The following ANKRD11 variants were observed in gnomAD, a reference collection of about 807,000 sequenced individuals.
ANKRD11 encodes the protein ankyrin repeat domain-containing protein 11.
In ANKRD11, 17 loss-of-function variants were observed where a neutral mutation model predicts 195.7. The observed-to-expected ratio is 0.09, with a 90% CI of 0.06 to 0.13. The LOEUF (loss-of-function observed/expected upper bound fraction) is 0.13, where lower values mean the gene tolerates loss of function less well. Ranked by LOEUF, ANKRD11 falls within the 10% of genes least tolerant of loss-of-function variation. The pLI is 1.00. For synonymous variants in ANKRD11, 1,953 were observed against 1,528.1 expected, an observed-to-expected ratio of 1.28 and a Z score of -6.49; for missense variants, 3,735 against 3,566.1, an observed-to-expected ratio of 1.05 and a Z score of -1.21.
At chr16:89,371,639 A>G (rs2152081520) in intron 2 of ANKRD11, among the ~76,000 whole-genome samples, 1 of 152,242 alleles carries the variant, frequency 6.6e-6, no homozygotes, top group Admixed American at 6.5e-5. Flanking sequence ...ACGACACCCA[A>G]GGAGGGGTGT....
At chr16:89,487,832 A>G (rs1032178827) in intron 1 of ANKRD11, among the ~76,000 whole-genome samples, 4 of 152,238 alleles carry the variant, frequency 2.6e-5, no homozygotes, top group African/African-American at 9.6e-5. Flanking sequence ...ATACTGTCCA[A>G]CACAAACAGC....
intron 2 of ANKRD11, among the ~76,000 whole-genome samples, chr16:89,417,861 G>A (rs191931622): frequency 2.0e-5 from 3 of 151,212 alleles, no homozygotes; most frequent in Admixed American, 6.6e-5. Flanking sequence ...GGATCCTAAC[G>A]AGCAGAACAG....
In ANKRD11 at chr16:89,448,753, G is replaced by A. The variant is rs2043921490; in HGVS notation, c.-144-30385C>T. 2.0e-5 allele frequency among the ~76,000 whole-genome samples: 3 copies of A among 152,276 alleles called. No individual in the cohort carries two copies. The Middle Eastern group carries it at 0.01, about 518-fold the overall frequency. ...AAATCATTTTCAAAGTCCAAGACGA[G>A]ACGGTGCTGGACTAGCAGTCCTAGA... On this transcript the variant is annotated intron_variant, in intron 1 of 12. Transcript: ENST00000301030.
At chr16:89,323,947 T>C (rs1468837411) in intron 2 of ANKRD11, 2 of 219,342 alleles carry the variant, frequency 9.1e-6, no homozygotes, top group Admixed American at 5.5e-5. Flanking sequence ...ACGGTTTGAA[T>C]GTTTGTGTCG....
chr16:89,409,941 G>A (rs1373768956), intron 2 of ANKRD11, among the ~76,000 whole-genome samples: 14 of 152,064 alleles, frequency 9.2e-5, no homozygotes, highest in Admixed American at 6.6e-5. Context: ...CCGGGTTCAC[G>A]CCATTCTCCT....
chr16:89,277,544 GTCAGAAGA>G (rs1944683838), intron 9 of ANKRD11: 2 of 152,294 alleles, frequency 1.3e-5, no homozygotes, highest in Non-Finnish European at 1.5e-5. Flanking sequence ...AGCACAGAAG[GTCAGAAGA>G]TCAGAAGGTC....
rs943732301 is a variant in ANKRD11, at chr16:89,282,144, C to T, written c.4398G>A (p.Arg1466=). ...LKEKKKREKH[R]EKWRDEKERH... ...TCTCCTTCTCGTCTCTCCATTTCTC[C>T]CTGTGTTTCTCTCTCTTCTTCTTCT... The change falls in exon 9 of 13, where the codon AGG becomes AGA. Residue 1466 remains arginine (R), a synonymous_variant. Transcript: ENST00000301030. 17 of 1,613,898 alleles carry T rather than the reference C, an allele frequency of 1.1e-5. No homozygotes were observed. The highest frequency in any genetic ancestry group is 6.7e-5 in the African/African-American group (5 of 74,854).
At chr16:89,462,252 G>A (rs2056704964) in intron 1 of ANKRD11, among the ~76,000 whole-genome samples, 1 of 152,214 alleles carries the variant, frequency 6.6e-6, no homozygotes, top group African/African-American at 2.4e-5. Context: ...ACTGGTTTTG[G>A]TGGAGACGGG....
intron 1 of ANKRD11, among the ~76,000 whole-genome samples, chr16:89,436,166 G>A (rs913048561): frequency 1.3e-5 from 2 of 152,132 alleles, no homozygotes; most frequent in Non-Finnish European, 2.9e-5. Context: ...TGTAATCCCA[G>A]CACTTTAGGA....
chr16:89,274,783 C>G, intron 11 of ANKRD11, 31 bp downstream of exon 11: 1 of 1,605,738 alleles, frequency 6.2e-7, no homozygotes, highest in South Asian at 1.1e-5. Flanking sequence ...GGCACTTGGA[C>G]TCATGGGCCT....
At chr16:89,373,316 G>C (rs1464411641) in intron 2 of ANKRD11, 1 of 152,292 alleles carries the variant, frequency 6.6e-6, no homozygotes, top group African/African-American at 2.4e-5. Context: ...ATCCAACACA[G>C]CAACACCGGA....
chr16:89,317,341 G>C (rs1360597840), intron 2 of ANKRD11, among the ~76,000 whole-genome samples: 1 of 152,214 alleles, frequency 6.6e-6, no homozygotes, highest in African/African-American at 2.4e-5. Context: ...GGGACGCATG[G>C]CCTAGGGTGT....
intron 2 of ANKRD11, among the ~76,000 whole-genome samples, chr16:89,403,465 C>T (rs960043924): frequency 7.9e-5 from 12 of 152,088 alleles, no homozygotes; most frequent in Admixed American, 1.3e-4. Context: ...AGCGAGGCCC[C>T]GCGCTCTGGG....
At chr16:89,352,305 G>T (rs937378972) in intron 2 of ANKRD11, among the ~76,000 whole-genome samples, 2 of 151,822 alleles carry the variant, frequency 1.3e-5, no homozygotes, top group Non-Finnish European at 2.9e-5. Context: ...ATCACGCCAC[G>T]CGGTGCAGAG....
chr16:89,332,137 A>G (rs2038100234), intron 2 of ANKRD11, among the ~76,000 whole-genome samples: 1 of 152,192 alleles, frequency 6.6e-6, no homozygotes, highest in South Asian at 2.1e-4. Context: ...TAAAAAAAAA[A>G]GATAATAATC....
intron 4 of ANKRD11, among the ~76,000 whole-genome samples, chr16:89,293,767 C>CT (rs2035235492): frequency 1.3e-5 from 2 of 151,376 alleles, no homozygotes; most frequent in Non-Finnish European, 2.9e-5. Flanking sequence ...TTGGGAGGAG[C>CT]TGGGGCGGTG....
At chr16:89,441,219 A>T (rs565856364) in intron 1 of ANKRD11, among the ~76,000 whole-genome samples, 1 of 150,856 alleles carries the variant, frequency 6.6e-6, no homozygotes, top group Non-Finnish European at 1.5e-5. Flanking sequence ...CTGGGCCACA[A>T]AGTGAGACTC....
intron 1 of ANKRD11, among the ~76,000 whole-genome samples, chr16:89,482,310 T>G (rs1412960010): frequency 6.6e-6 from 1 of 152,084 alleles, no homozygotes; most frequent in African/African-American, 2.4e-5. Flanking sequence ...AACATGCCAA[T>G]GTGTGAACGG....
Position 89,282,427 on chromosome 16 carries a change from T to C in ANKRD11, c.4115A>G (p.Glu1372Gly). The change falls in exon 9 of 13, where the codon GAG becomes GGG. Residue 1372 changes from glutamate (E) to glycine (G), a missense_variant. Physicochemically the swap from Glu to Gly is moderately conservative, Grantham distance 98. Coordinates refer to ENST00000301030, the MANE Select transcript of ANKRD11 (RefSeq NM_013275.6). The part of the protein sequence containing the change: ...DRERAKKEKA[E>G]KKEKGEDYKE... ...GTAATCTTCGCCCTTCTCTTTCTTC[T>C]CGGCCTTCTCTTTCTTGGCTCGCTC... 1 of 1,614,184 alleles carries C rather than the reference T, an allele frequency of 6.2e-7. No homozygotes were observed. The highest frequency in any genetic ancestry group is 8.5e-7 in the Non-Finnish European group (1 of 1,180,022).
Sources: gnomAD v4.1 joint callset for allele counts (sites outside exome capture counted in the v4.1 genomes callset) on GRCh38, gnomAD v4.1.1 for gene constraint, MANE v1.5 for transcripts, NCBI Gene and HGNC (gene_info 2026-07-23, HGNC 2026-07-21) for gene names.